CEP295: variants seen among roughly 807,000 people sequenced by gnomAD.
CEP295 encodes centrosomal protein 295.
In CEP295, 190 loss-of-function variants were observed where a neutral mutation model predicts 291.6. The ratio of observed to expected loss-of-function variants is 0.65; its 90% CI spans 0.58 to 0.73. The LOEUF (loss-of-function observed/expected upper bound fraction) is 0.73. Ranked by LOEUF, CEP295 falls within the 30% of genes least tolerant of loss-of-function variation. CEP295 has a pLI of 0.00. For missense variants in CEP295, 2,863 were observed against 2,949.4 expected, an observed-to-expected ratio of 0.97 and a Z score of 0.68; for synonymous variants, 993 against 1,038.8, an observed-to-expected ratio of 0.96 and a Z score of 0.85.
chr11:93,713,153 T>G (rs999867566), intron 18 of CEP295, among the ~76,000 whole-genome samples: 3 of 152,234 alleles, frequency 2.0e-5, no homozygotes, highest in Admixed American at 6.5e-5. Context: ...CTTATTGTAC[T>G]GTCTATATCT....
chr11:93,697,795 G>C lies in CEP295; in HGVS notation c.2883G>C (p.Lys961Asn), dbSNP rs1313183504. The change falls in exon 15 of 30, where the codon AAG (lysine) becomes AAC (asparagine). Residue 961 changes from lysine (K) to asparagine (N), a missense_variant. Physicochemically the swap from Lys to Asn is moderately conservative, Grantham distance 94. Around this residue, in one of 3 missense-constraint regions of CEP295, gnomAD observed 2,295 missense variants for 2,335.7 expected, o/e 0.98. Coordinates refer to ENST00000325212, the MANE Select transcript of CEP295 (RefSeq NM_033395.2). The stretch of plus-strand genomic sequence containing the variant: ...TCCAAGAGCAGTTGAATATTCAGAA[G>C]GATAGCCTTCAGGCTAGGCGAGAAG... ...KFLQEQLNIQKDSLQARREAQ... is the reference protein window; with the variant it reads ...KFLQEQLNIQNDSLQARREAQ... 2 of 1,551,598 alleles carry C rather than the reference G, an allele frequency of 1.3e-6. No individual in the cohort carries two copies. The highest frequency in any genetic ancestry group is 4.9e-5 in the East Asian group (2 of 40,930).
intron 13 of CEP295, 65 bp from the exon 14 acceptor site, chr11:93,696,255 T>A (rs1425473854): frequency 1.2e-5 from 11 of 900,238 alleles, no homozygotes; most frequent in Non-Finnish European, 1.9e-5. Flanking sequence ...TAGAACTGTA[T>A]GTAAAAATAC....
chr11:93,698,538 C>G lies in CEP295; in HGVS notation c.3626C>G (p.Ser1209Cys). ...CAGACTGGCACCTCCTCATCCCTTT[C>G]CCAGGTGGATGAATCTGAGAGATTC... ...SEQTGTSSSL[S>C]QVDESERFQE... Residue 1209 changes from serine to cysteine, a missense_variant, in exon 15 of 30, where the codon TCC becomes TGC. By Grantham distance (112) the Ser-to-Cys change is moderately radical. Coordinates refer to ENST00000325212, the MANE Select transcript of CEP295 (RefSeq NM_033395.2). 6.4e-7 allele frequency: 1 copy of G among 1,552,110 alleles called. No individual in the cohort carries two copies. The highest frequency in any genetic ancestry group is 8.7e-7 in the Non-Finnish European group (1 of 1,147,048).
rs531754889 is a variant in CEP295, at chr11:93,672,341, A to G, written c.528+2571A>G. Among the ~76,000 whole-genome samples, 4 of 152,268 alleles carry G rather than the reference A, an allele frequency of 2.6e-5. No individual in the cohort carries two copies. The East Asian group carries it at 5.8e-4, about 22-fold the overall frequency. ...TTTGTATTGAAAACCCTGAGATGCT[A>G]TGAAGACTTCTCATGTATCTATACC... is the stretch of plus-strand genomic sequence containing the variant. On this transcript the variant is annotated intron_variant, in intron 5 of 29. Coordinates refer to ENST00000325212, the MANE Select transcript of CEP295 (RefSeq NM_033395.2).
At chr11:93,678,945 C>G (rs1346197123) in intron 6 of CEP295, among the ~76,000 whole-genome samples, 4 of 152,162 alleles carry the variant, frequency 2.6e-5, no homozygotes, top group Non-Finnish European at 5.9e-5. Context: ...GAACTTCCGC[C>G]TCCCGGGCTC....
At position 93,696,843 on chromosome 11, in the gene CEP295, A is replaced by G. The variant is rs780976130; in HGVS notation, c.1931A>G (p.His644Arg). ...KSERPTAISE[H>R]WDQGQRLKLS... is the part of the protein sequence containing the mutation. ...GAGAGACCGACTGCTATATCAGAGCATTGGGATCAAGGTCAGAGACTCAAG... is the reference window on the plus strand; with the variant it reads ...GAGAGACCGACTGCTATATCAGAGCGTTGGGATCAAGGTCAGAGACTCAAG... Residue 644 changes from histidine to arginine, a missense_variant, in exon 15 of 30, where the codon CAT (histidine) becomes CGT (arginine). Transcript: ENST00000325212. 2.6e-6 allele frequency: 4 copies of G among 1,551,580 alleles called. No homozygotes were observed. Among genetic ancestry groups the G allele is most frequent in the Non-Finnish European group, 3.5e-6 (4 of 1,146,960 alleles).
chr11:93,712,904 G>A (rs1953006614), intron 18 of CEP295, among the ~76,000 whole-genome samples: 1 of 144,488 alleles, frequency 6.9e-6, no homozygotes. Flanking sequence ...TTTAGTGAAG[G>A]TGATTTTCTC....
At chr11:93,681,160 T>A (rs117510624) in intron 7 of CEP295, among the ~76,000 whole-genome samples, 1,989 of 152,262 alleles carry the variant, frequency 0.013, 23 homozygotes, top group Non-Finnish European at 0.019. Flanking sequence ...CTGCCAGGAT[T>A]TATCTGTCTT....
intron 5 of CEP295, among the ~76,000 whole-genome samples, chr11:93,671,285 G>T (rs967488514): frequency 4.6e-5 from 7 of 151,214 alleles, no homozygotes; most frequent in African/African-American, 7.3e-5. Context: ...TGGTAAATGG[G>T]TTTTTTTTTC....
Position 93,669,768 on chromosome 11 carries a change from G to A in CEP295, c.526G>A (p.Glu176Lys), listed in dbSNP as rs1201022655. ...GCCACCTCCTCCTCCAACTCTTTTT[G>A]AGGTGAGTTTGAGTATTAAGAGGAA... is the stretch of plus-strand genomic sequence containing the variant. ...SLPPPPPTLF[E>K]NIEVKRISAV... Residue 176 changes from glutamate (E) to lysine (K), a missense_variant and splice_region_variant, in exon 5 of 30, where the codon GAG becomes AAG. Transcript: ENST00000325212. The A allele has an allele frequency of 6.5e-7, 1 of 1,546,300 alleles. No individual in the cohort carries two copies. Among genetic ancestry groups the A allele is most frequent in the African/African-American group, 1.4e-5 (1 of 72,908 alleles).
rs1446898284 is a variant in CEP295 at position 93,688,469 on chromosome 11, A to T, written c.1336+604A>T. 2.0e-5 allele frequency among the ~76,000 whole-genome samples: 3 copies of T among 152,310 alleles called. No homozygotes were observed. In the East Asian group the frequency reaches 5.8e-4, roughly 29 times the overall value. ...GAAATGTTTTGCTTCTATGCTTTTG[A>T]TAAGAGTGACTTGTGGTCTATATTT... On this transcript the variant is annotated intron_variant, in intron 10 of 29. Transcript: ENST00000325212.
At chr11:93,678,008 T>C (rs1297662232) in intron 6 of CEP295, among the ~76,000 whole-genome samples, 1 of 152,156 alleles carries the variant, frequency 6.6e-6, no homozygotes, top group Admixed American at 6.5e-5. Context: ...CAAAATTTGT[T>C]TGTGGTCCCT....
intron 23 of CEP295, 79 bp from the exon 24 acceptor site, chr11:93,726,897 T>G: frequency 8.8e-7 from 1 of 1,130,892 alleles, no homozygotes; most frequent in Non-Finnish European, 1.2e-6. Flanking sequence ...AATTGGATGA[T>G]AAACTATTAG....
In CEP295 at chr11:93,724,381, T is replaced by G; in HGVS notation, c.6318+6T>G. 6.5e-7 allele frequency: 1 copy of G among 1,546,834 alleles called. No homozygotes were observed. Among genetic ancestry groups the G allele is most frequent in the Non-Finnish European group, 8.7e-7 (1 of 1,143,900 alleles). ...ACAACAGAGACTTTTACCAGGTATA[T>G]TAAAGTAGATGTCCCATTGCAGTGA... On this transcript the variant is annotated splice_donor_region_variant and intron_variant, in intron 22 of 29. Coordinates refer to ENST00000325212, the MANE Select transcript of CEP295 (RefSeq NM_033395.2).
At chr11:93,665,650 G>A (rs529435199) in intron 1 of CEP295, among the ~76,000 whole-genome samples, 2 of 152,290 alleles carry the variant, frequency 1.3e-5, no homozygotes, top group South Asian at 4.1e-4. Flanking sequence ...GGAGGTTGTG[G>A]TAAGCCAAGA....
In CEP295 at chr11:93,669,790, G is replaced by T; in HGVS notation, c.528+20G>T. 1 of 1,439,646 alleles carries T rather than the reference G, an allele frequency of 6.9e-7. No homozygotes were observed. The highest frequency in any genetic ancestry group is 9.6e-7 in the Non-Finnish European group (1 of 1,046,740). 89.2% of individuals were successfully genotyped at this position (1,439,646 alleles called of 1,614,324 possible). Reference sequence around the variant, plus strand: ...TTTGAGGTGAGTTTGAGTATTAAGAGGAACTAGGTCATAATTCTTCTTTAC... The same window carrying T: ...TTTGAGGTGAGTTTGAGTATTAAGATGAACTAGGTCATAATTCTTCTTTAC... On this transcript the variant is annotated intron_variant, in intron 5 of 29. Transcript: ENST00000325212.
chr11:93,676,173 A>ACGTT (rs1950678777), intron 6 of CEP295, among the ~76,000 whole-genome samples: 1 of 152,012 alleles, frequency 6.6e-6, no homozygotes, highest in East Asian at 1.9e-4. Flanking sequence ...ATTATCTTGC[A>ACGTT]CGTTTTTATC....
chr11:93,675,174 T>A lies in CEP295; in HGVS notation c.529-397T>A, dbSNP rs1003367730. On this transcript the variant is annotated intron_variant, in intron 5 of 29. Transcript: ENST00000325212. Reference sequence around the variant, plus strand: ...GACTAATGTGAACTACAGTAGAATTTTTGTGATTAGATATGGAAGAGGACA... The same window carrying A: ...GACTAATGTGAACTACAGTAGAATTATTGTGATTAGATATGGAAGAGGACA... 2.0e-5 allele frequency among the ~76,000 whole-genome samples: 3 copies of A among 152,274 alleles called. No individual in the cohort carries two copies. The South Asian group carries it at 6.2e-4, about 32-fold the overall frequency.
Position 93,727,095 on chromosome 11 carries a change from AAT to A in CEP295, c.6620_6621del (p.Asn2207ThrfsTer6). 6.4e-7 allele frequency: 1 copy of A among 1,551,708 alleles called. No individual in the cohort carries two copies. ...AAGAGATTCTTCCCAAGGCATGAAAAATCAGAACTATCCCTCTGAAGAACATA... is the reference window on the plus strand; with the variant it reads ...AAGAGATTCTTCCCAAGGCATGAAAACAGAACTATCCCTCTGAAGAACATA... ...EARDSSQGMK[N>X]QNYPSEEHTE... On this transcript the variant is annotated frameshift_variant, in exon 24 of 30. Coordinates refer to ENST00000325212, the MANE Select transcript of CEP295 (RefSeq NM_033395.2). LOFTEE classifies it high-confidence loss of function.
Sources: gnomAD v4.1 joint callset for allele counts (sites outside exome capture counted in the v4.1 genomes callset) on GRCh38, gnomAD v4.1.1 for gene constraint, gnomAD v4.1.1 regional missense constraint, MANE v1.5 for transcripts, NCBI Gene and HGNC (gene_info 2026-07-23, HGNC 2026-07-21) for gene names.